The following ZIM3 variants were observed in gnomAD, a reference collection of about 807,000 sequenced individuals.
ZIM3 encodes the protein zinc finger protein 657.
In ZIM3, 11 loss-of-function variants were observed where a neutral mutation model predicts 12.9. The ratio of observed to expected loss-of-function variants is 0.85; its 90% CI spans 0.54 to 1.41. ZIM3 has a LOEUF of 1.41. ZIM3 is among the 40% of genes most tolerant of loss of function. The pLI is 0.00. For missense variants in ZIM3, 604 were observed against 557.2 expected, an observed-to-expected ratio of 1.08 and a Z score of -0.85; for synonymous variants, 205 against 198.5, an observed-to-expected ratio of 1.03 and a Z score of -0.28.
intron 2 of ZIM3, among the ~76,000 whole-genome samples, chr19:57,140,007 C>A (rs1253672951): frequency 1.3e-5 from 2 of 152,158 alleles, no homozygotes; most frequent in Non-Finnish European, 2.9e-5. Context: ...TTTGCCCCTG[C>A]CACTCAACAC....
In ZIM3 at chr19:57,134,698, TAA is replaced by T; in HGVS notation, c.*218_*219del. ...GGTTTATTGCTACATCTTCAGTGTT[TAA>T]GAGTTCCTGGTACACAAAAGGCATC... On this transcript the variant is annotated 3_prime_UTR_variant, in exon 5 of 5. Coordinates refer to ENST00000269834, the MANE Select transcript of ZIM3 (RefSeq NM_052882.1). 1.9e-6 allele frequency: 1 copy of T among 519,128 alleles called. No individual in the cohort carries two copies. Among genetic ancestry groups the T allele is most frequent in the South Asian group, 3.0e-5 (1 of 33,038 alleles). The allele number at this position is 519,128 out of a possible 1,614,324, so 32.2% of individuals were successfully genotyped here.
Position 57,142,840 on chromosome 19 carries a change from CT to C in ZIM3, c.-42-156del, listed in dbSNP as rs113123994. 1.8e-3 allele frequency among the ~76,000 whole-genome samples: 267 copies of C among 149,482 alleles called. 2 individuals are homozygous for C. Among genetic ancestry groups the C allele is most frequent in the African/African-American group, 5.9e-3 (237 of 40,228 alleles). ...ACCTCAGTGATCCCCTTCTGAAGGTCTTTTTTTTTTTTGTTTTGGTTTTTTT... is the reference window on the plus strand; with the variant it reads ...ACCTCAGTGATCCCCTTCTGAAGGTCTTTTTTTTTTTGTTTTGGTTTTTTT... On this transcript the variant is annotated intron_variant, in intron 1 of 4. Coordinates refer to ENST00000269834, the MANE Select transcript of ZIM3 (RefSeq NM_052882.1).
chr19:57,139,802 T>C (rs1266467944), intron 2 of ZIM3, among the ~76,000 whole-genome samples: 1 of 152,186 alleles, frequency 6.6e-6, no homozygotes, highest in Non-Finnish European at 1.5e-5. Context: ...CTGACTGTAA[T>C]CTATTTTCCA....
chr19:57,142,623 G>T lies in ZIM3; in HGVS notation c.15+6C>A, dbSNP rs371943338. 8.1e-6 allele frequency: 13 copies of T among 1,613,342 alleles called. No homozygotes were observed. The African/African-American group carries it at 1.6e-4, about 20-fold the overall frequency. On this transcript the variant is annotated splice_donor_region_variant and intron_variant, in intron 2 of 4. Coordinates refer to ENST00000269834, the MANE Select transcript of ZIM3 (RefSeq NM_052882.1). The stretch of plus-strand genomic sequence containing the variant: ...TATGAGATTTAGATTTTTTTGAAAA[G>T]CTCACCTGGGAATTGTTCATTTCCT...
chr19:57,145,077 T>C lies in ZIM3; in HGVS notation c.-261A>G, dbSNP rs1008766164. 2 of 152,160 alleles carry C rather than the reference T, an allele frequency of 1.3e-5. No individual in the cohort carries two copies. Among genetic ancestry groups the C allele is most frequent in the Non-Finnish European group, 2.9e-5 (2 of 68,036 alleles). 9.4% of individuals were successfully genotyped at this position (152,160 alleles called of 1,614,324 possible). ...CTATCAAAAGCCCCACCTGATCCTA[T>C]CAGGCCACATCAAAATTTCAATTCC... On this transcript the variant is annotated 5_prime_UTR_variant, in exon 1 of 5. Transcript: ENST00000269834.
At position 57,135,075 on chromosome 19, in the gene ZIM3, C is replaced by T. The variant is rs1352159504; in HGVS notation, c.1262G>A (p.Cys421Tyr). ...GATGAAGGTTTTTCCACATTCACTA[C>T]ATCTATAGGTCCTCTCTCCGCTATG... ...KTHSGERTYR[C>Y]SECGKTFIRK... The change falls in exon 5 of 5, where the codon TGT (cysteine) becomes TAT (tyrosine). Residue 421 changes from cysteine (C) to tyrosine (Y), a missense_variant. By Grantham distance (194) the Cys-to-Tyr change is radical (BLOSUM62 -2). Coordinates refer to ENST00000269834, the MANE Select transcript of ZIM3 (RefSeq NM_052882.1). The T allele has an allele frequency of 3.1e-6, 5 of 1,614,070 alleles. No individual in the cohort carries two copies. The East Asian group carries it at 6.7e-5, about 22-fold the overall frequency.
intron 4 of ZIM3, 73 bp downstream of exon 4, chr19:57,136,800 C>A: frequency 7.5e-7 from 1 of 1,329,116 alleles, no homozygotes; most frequent in Admixed American, 1.7e-5. Context: ...GGCTGCCAAA[C>A]GACTTCCTCA....
At chr19:57,142,587 C>T (rs768153335) in intron 2 of ZIM3, 42 bp downstream of exon 2, 4 of 1,608,636 alleles carry the variant, frequency 2.5e-6, no homozygotes, top group African/African-American at 1.3e-5. Flanking sequence ...GTGGGTCATA[C>T]GTTTATTCAT....
intron 2 of ZIM3, among the ~76,000 whole-genome samples, chr19:57,141,526 CAT>C (rs888186384): frequency 6.0e-5 from 9 of 151,058 alleles, no homozygotes; most frequent in African/African-American, 2.2e-4. Context: ...TTTGGATAAA[CAT>C]AGAAATTGAC....
intron 3 of ZIM3, among the ~76,000 whole-genome samples, chr19:57,137,778 G>A (rs886675408): frequency 6.6e-6 from 1 of 150,586 alleles, no homozygotes; most frequent in African/African-American, 2.5e-5. Flanking sequence ...GACACAGCCA[G>A]ACCCTGTTAG....
chr19:57,137,966 G>A (rs1599922306), intron 3 of ZIM3, among the ~76,000 whole-genome samples: 2 of 63,634 alleles, frequency 3.1e-5, no homozygotes, highest in Non-Finnish European at 5.7e-5. Context: ...AAGGAAGGAA[G>A]GAAAGAAGGA....
Position 57,135,062 on chromosome 19 carries a change from T to TC in ZIM3, c.1274dup (p.Thr427AsnfsTer9), listed in dbSNP as rs775693019. On this transcript the variant is annotated frameshift_variant, in exon 5 of 5. Coordinates refer to ENST00000269834, the MANE Select transcript of ZIM3 (RefSeq NM_052882.1). LOFTEE classifies it low-confidence loss of function (END_TRUNC). ...GGTTTAATTTCCGGATGAAGGTTTT[T>TC]CCACATTCACTACATCTATAGGTCC... The TC allele has an allele frequency of 3.1e-6, 5 of 1,614,108 alleles. No homozygotes were observed. In the East Asian group the frequency reaches 1.1e-4, roughly 36 times the overall value.
rs866651975 is a variant in ZIM3, at chr19:57,137,922, A to G, written c.142+550T>C. On this transcript the variant is annotated intron_variant, in intron 3 of 4. Coordinates refer to ENST00000269834, the MANE Select transcript of ZIM3 (RefSeq NM_052882.1). ...AGGAAAGAAGGAAGGAAGGAAGGAA[A>G]GAAGGAAGGAAGGAAGGAAGGAAGG... 5.6e-3 allele frequency among the ~76,000 whole-genome samples: 115 copies of G among 20,694 alleles called. 3 individuals carry two copies. The highest frequency in any genetic ancestry group is 0.023 in the African/African-American group (95 of 4,090). 13.6% of individuals were successfully genotyped at this position (20,694 alleles called of 152,430 possible). A position where few individuals can be genotyped will look rare whatever the true frequency, so the allele number is the denominator to read the frequency against.
intron 1 of ZIM3, among the ~76,000 whole-genome samples, chr19:57,144,537 C>T (rs916489980): frequency 1.4e-4 from 22 of 152,082 alleles, no homozygotes; most frequent in Non-Finnish European, 2.9e-5. Flanking sequence ...ATCATCCCCC[C>T]AATGTAAACA....
Position 57,142,859 on chromosome 19 carries a change from G to GT in ZIM3, c.-42-175dup, listed in dbSNP as rs971734443. On this transcript the variant is annotated intron_variant, in intron 1 of 4. Transcript: ENST00000269834. ...GAAGGTCTTTTTTTTTTTTGTTTTGGTTTTTTTGTGTTTGTTTATTTATTG... is the reference window on the plus strand; with the variant it reads ...GAAGGTCTTTTTTTTTTTTGTTTTGGTTTTTTTTGTGTTTGTTTATTTATTG... Among the ~76,000 whole-genome samples, 177 of 151,838 alleles carry GT rather than the reference G, an allele frequency of 1.2e-3. 4 individuals carry two copies. Among genetic ancestry groups the GT allele is most frequent in the Non-Finnish European group, 2.8e-4 (19 of 67,960 alleles).
chr19:57,138,074 GGAAA>G (rs1169887269), intron 3 of ZIM3, among the ~76,000 whole-genome samples: 2 of 109,728 alleles, frequency 1.8e-5, no homozygotes, highest in Admixed American at 9.1e-5. Flanking sequence ...AAGGAAGGAA[GGAAA>G]GAAGGGAGGT....
chr19:57,136,739 T>C (rs2086888951), intron 4 of ZIM3, 134 bp downstream of exon 4: 1 of 639,610 alleles, frequency 1.6e-6, no homozygotes, highest in East Asian at 2.7e-5. Context: ...AATTTCTGAG[T>C]GGAGAAAAAT....
rs577588112 is a variant in ZIM3 at position 57,135,841 on chromosome 19, G to T, written c.496C>A (p.Gln166Lys). The part of the protein sequence containing the change: ...GNNPSKFVGQ[Q>K]LKCNACRKLF... ...TTTCTACAGGCATTACATTTCAGTT[G>T]TTGTCCTACAAATTTGGATGGATTA... The change falls in exon 5 of 5, where the codon CAA (glutamine) becomes AAA (lysine). Residue 166 changes from glutamine (Q) to lysine (K), a missense_variant. Coordinates refer to ENST00000269834, the MANE Select transcript of ZIM3 (RefSeq NM_052882.1). The T allele has an allele frequency of 1.9e-6, 3 of 1,614,096 alleles. No homozygotes were observed. The East Asian group carries it at 6.7e-5, about 36-fold the overall frequency.
chr19:57,144,096 G>T (rs1316332740), intron 1 of ZIM3, among the ~76,000 whole-genome samples: 1 of 152,030 alleles, frequency 6.6e-6, no homozygotes, highest in Non-Finnish European at 1.5e-5. Flanking sequence ...CTGTCACCCA[G>T]GCTGGAGTGC....
Sources: gnomAD v4.1 joint callset for allele counts (sites outside exome capture counted in the v4.1 genomes callset) on GRCh38, gnomAD v4.1.1 for gene constraint, MANE v1.5 for transcripts, NCBI Gene and HGNC (gene_info 2026-07-23, HGNC 2026-07-21) for gene names.